ARHGEF12: variants seen among roughly 807,000 people sequenced by gnomAD.
The protein encoded by ARHGEF12 is Rho guanine nucleotide exchange factor 12.
In ARHGEF12, 66 loss-of-function variants were observed where a neutral mutation model predicts 211.2. That is an observed-to-expected ratio of 0.31 (90% CI 0.26 to 0.38). The LOEUF (loss-of-function observed/expected upper bound fraction) is 0.38. ARHGEF12 is among the 10% of genes least tolerant of loss of function. The pLI is 1.00. For missense variants in ARHGEF12, 1,429 were observed against 1,869.5 expected (o/e 0.76, Z 4.34); for synonymous variants, 592 against 638.4 (o/e 0.93, Z 1.09).
intron 1 of ARHGEF12, among the ~76,000 whole-genome samples, chr11:120,363,085 G>A (rs1392312594): frequency 6.6e-6 from 1 of 152,212 alleles, no homozygotes; most frequent in African/African-American, 2.4e-5. Flanking sequence ...TGGCAACAGA[G>A]CGAGACTCCG....
intron 1 of ARHGEF12, among the ~76,000 whole-genome samples, chr11:120,348,373 T>C (rs1280066598): frequency 1.3e-5 from 2 of 152,224 alleles, no homozygotes; most frequent in African/African-American, 4.8e-5. Context: ...GTTTCAGAGG[T>C]AATAGTTTGT....
chr11:120,367,707 A>T (rs1287305105), intron 1 of ARHGEF12, among the ~76,000 whole-genome samples: 1 of 151,626 alleles, frequency 6.6e-6, no homozygotes, highest in Non-Finnish European at 1.5e-5. Flanking sequence ...GCAGTGGTTC[A>T]TGCCTGTAAT....
chr11:120,451,149 G>A (rs1433463944), intron 21 of ARHGEF12: 1 of 171,534 alleles, frequency 5.8e-6, no homozygotes, highest in Non-Finnish European at 1.3e-5. Flanking sequence ...TTTGCTTTTA[G>A]CTAATTTGCA....
At chr11:120,453,012 C>CA (rs1187491086) in intron 22 of ARHGEF12, among the ~76,000 whole-genome samples, 303 of 105,056 alleles carry the variant, frequency 2.9e-3, no homozygotes, top group African/African-American at 5.5e-3. Flanking sequence ...AAAACAAAAA[C>CA]AAAAACAAAA....
chr11:120,400,937 G>A (rs1160090654), intron 1 of ARHGEF12, among the ~76,000 whole-genome samples: 1 of 152,136 alleles, frequency 6.6e-6, no homozygotes, highest in Non-Finnish European at 1.5e-5. Flanking sequence ...TTTGGTCCCT[G>A]CCTGTCTGTG....
chr11:120,458,305 C>A, intron 25 of ARHGEF12, 71 bp downstream of exon 25: 2 of 1,566,002 alleles, frequency 1.3e-6, no homozygotes, highest in African/African-American at 1.4e-5. Context: ...AGTCTCTCAG[C>A]CTTGGAGTTT....
Position 120,428,085 on chromosome 11 carries a change from T to G in ARHGEF12, c.423T>G (p.Ala141=). 6.3e-7 allele frequency: 1 copy of G among 1,597,500 alleles called. No individual in the cohort carries two copies. The change falls in exon 8 of 41, where the codon GCT becomes GCG. Residue 141 remains alanine, a synonymous_variant. Coordinates refer to ENST00000397843, the MANE Select transcript of ARHGEF12 (RefSeq NM_015313.3). ...CACCCCAAGCTGGTTCCTATGTAGCTCTCACTGTTCAGGGACGCCCACCTG... is the reference window on the plus strand; with the variant it reads ...CACCCCAAGCTGGTTCCTATGTAGCGCTCACTGTTCAGGGACGCCCACCTG... ...VKLIKSGSYV[A]LTVQGRPPGS...
At chr11:120,349,129 T>C (rs1942856947) in intron 1 of ARHGEF12, among the ~76,000 whole-genome samples, 2 of 152,216 alleles carry the variant, frequency 1.3e-5, no homozygotes, top group African/African-American at 4.8e-5. Context: ...GAGGTCTCTA[T>C]AGTAGTTACT....
At chr11:120,392,109 C>T (rs1179246870) in intron 1 of ARHGEF12, among the ~76,000 whole-genome samples, 1 of 152,144 alleles carries the variant, frequency 6.6e-6, no homozygotes, top group Non-Finnish European at 1.5e-5. Flanking sequence ...CATTTCAGCA[C>T]TACTTTACTA....
intron 5 of ARHGEF12, 101 bp downstream of exon 5, chr11:120,420,952 G>T (rs1185152708): frequency 2.0e-6 from 2 of 1,015,776 alleles, no homozygotes; most frequent in Non-Finnish European, 3.0e-6. Context: ...TACATAGATT[G>T]CAGGTCATGT....
chr11:120,469,074 T>G (rs887006611), intron 29 of ARHGEF12, among the ~76,000 whole-genome samples: 2 of 152,188 alleles, frequency 1.3e-5, no homozygotes, highest in Non-Finnish European at 2.9e-5. Context: ...TTTTAAAGAT[T>G]AGAATTTATG....
intron 1 of ARHGEF12, among the ~76,000 whole-genome samples, chr11:120,395,555 G>A (rs1944357378): frequency 6.6e-6 from 1 of 152,174 alleles, no homozygotes; most frequent in Admixed American, 6.6e-5. Context: ...CCGAGACTGG[G>A]TAATTTATAA....
At chr11:120,440,093 G>A (rs777407916) in intron 12 of ARHGEF12, 36 bp from the exon 13 acceptor site, 2 of 1,468,188 alleles carry the variant, frequency 1.4e-6, no homozygotes, top group Admixed American at 3.6e-5. Context: ...TGACCACCAG[G>A]TAATTTTTCT....
chr11:120,442,003 G>A, intron 14 of ARHGEF12, 101 bp from the exon 15 acceptor site: 1 of 882,328 alleles, frequency 1.1e-6, no homozygotes, highest in Non-Finnish European at 1.7e-6. Flanking sequence ...ATTGTTTATG[G>A]TGACCTACCT....
At chr11:120,423,718 A>G (rs1051262219) in intron 6 of ARHGEF12, among the ~76,000 whole-genome samples, 2 of 152,150 alleles carry the variant, frequency 1.3e-5, no homozygotes, top group Non-Finnish European at 2.9e-5. Flanking sequence ...TAACTGCCTC[A>G]TGGGGCAGGA....
At chr11:120,344,490 G>A (rs182827257) in intron 1 of ARHGEF12, among the ~76,000 whole-genome samples, 1 of 152,172 alleles carries the variant, frequency 6.6e-6, no homozygotes, top group East Asian at 1.9e-4. Context: ...GACACAAGCC[G>A]ATATGTTGTG....
chr11:120,427,980 A>C, intron 7 of ARHGEF12, 89 bp from the exon 8 acceptor site: 1 of 1,123,502 alleles, frequency 8.9e-7, no homozygotes, highest in Non-Finnish European at 1.2e-6. Context: ...TTTTAGAACT[A>C]TCGAAGATTA....
At chr11:120,477,876 A>AG (rs1947100848) in intron 36 of ARHGEF12, among the ~76,000 whole-genome samples, 1 of 144,550 alleles carries the variant, frequency 6.9e-6, no homozygotes, top group African/African-American at 2.7e-5. Flanking sequence ...AAAAAAAAAG[A>AG]AAAAAAGAAA....
chr11:120,396,097 A>G (rs985936779), intron 1 of ARHGEF12, among the ~76,000 whole-genome samples: 3 of 152,116 alleles, frequency 2.0e-5, no homozygotes, highest in African/African-American at 7.2e-5. Flanking sequence ...AGTGCCACAA[A>G]CAAGAAAGTG....
Sources: gnomAD v4.1 joint callset for allele counts (sites outside exome capture counted in the v4.1 genomes callset) on GRCh38, gnomAD v4.1.1 for gene constraint, MANE v1.5 for transcripts, NCBI Gene and HGNC (gene_info 2026-07-23, HGNC 2026-07-21) for gene names.